ANK3: variants seen among roughly 807,000 people sequenced by gnomAD.
ANK3 encodes the protein ankyrin-3.
ANK3 carries 57 observed loss-of-function variants against 370.9 expected under a neutral mutation model. That is an observed-to-expected ratio of 0.15 (90% CI 0.12 to 0.19). The LOEUF (loss-of-function observed/expected upper bound fraction) is 0.19, where lower values mean the gene tolerates loss of function less well. ANK3 is among the 10% of genes least tolerant of loss of function. The probability of loss-of-function intolerance (pLI) is 1.00; values close to 1 mark genes in which losing one functional copy is unlikely to be tolerated. For synonymous variants in ANK3, 1,929 were observed against 1,946.3 expected (o/e 0.99, Z 0.23); for missense variants, 4,439 against 5,302.1 (o/e 0.84, Z 5.06).
At chr10:60,731,959 T>A (rs1021455863) in intron 1 of ANK3, among the ~76,000 whole-genome samples, 1 of 152,188 alleles carries the variant, frequency 6.6e-6, no homozygotes, top group Non-Finnish European at 1.5e-5. Context: ...TGGTTGAAAC[T>A]TCAGAGTCTT....
At chr10:60,154,314 A>C (rs2095256771) in intron 23 of ANK3, among the ~76,000 whole-genome samples, 1 of 152,226 alleles carries the variant, frequency 6.6e-6, no homozygotes, top group South Asian at 2.1e-4. Flanking sequence ...AGATCTATTA[A>C]GCTAATAACA....
intron 16 of ANK3, among the ~76,000 whole-genome samples, chr10:60,194,336 CA>C (rs1301092004): frequency 1.2e-3 from 182 of 152,274 alleles, no homozygotes; most frequent in African/African-American, 4.2e-3. Flanking sequence ...GTTCTCCAAC[CA>C]TCACTATTAT....
At chr10:60,395,563 T>C (rs564973573) in intron 2 of ANK3, among the ~76,000 whole-genome samples, 1 of 93,618 alleles carries the variant, frequency 1.1e-5, no homozygotes, top group African/African-American at 4.3e-5. Flanking sequence ...TTTCTTTCTT[T>C]CTTTCTTTCT....
chr10:60,279,687 C>A (rs1428120481), intron 1 of ANK3, 48 bp from the exon 2 acceptor site: 3 of 1,420,304 alleles, frequency 2.1e-6, no homozygotes, highest in South Asian at 1.2e-5. Flanking sequence ...AGCTAATATG[C>A]ATGTTTATAA....
At chr10:60,543,249 T>G (rs983941450) in intron 2 of ANK3, among the ~76,000 whole-genome samples, 8 of 151,954 alleles carry the variant, frequency 5.3e-5, no homozygotes, top group Non-Finnish European at 8.8e-5. Flanking sequence ...TCTGTGGAAA[T>G]TTGGCAATAT....
intron 2 of ANK3, among the ~76,000 whole-genome samples, chr10:60,489,664 CA>C (rs1221460597): frequency 3.3e-5 from 5 of 152,064 alleles, no homozygotes; most frequent in African/African-American, 1.2e-4. Flanking sequence ...GTATATACAA[CA>C]AAAGGCTCTT....
intron 2 of ANK3, among the ~76,000 whole-genome samples, chr10:60,516,363 G>A (rs560789878): frequency 6.6e-6 from 1 of 152,072 alleles, no homozygotes; most frequent in Non-Finnish European, 1.5e-5. Flanking sequence ...GATCTGTTCT[G>A]GGAAATCTCA....
chr10:60,118,894 T>G (rs2093291993), intron 25 of ANK3, among the ~76,000 whole-genome samples: 1 of 152,230 alleles, frequency 6.6e-6, no homozygotes, highest in Non-Finnish European at 1.5e-5. Context: ...TGCAATCATG[T>G]AATATTTATC....
chr10:60,563,326 A>G lies in ANK3; in HGVS notation c.96+51860T>C, dbSNP rs751277972. Among the ~76,000 whole-genome samples, 36 of 152,304 alleles carry G rather than the reference A, an allele frequency of 2.4e-4. 1 individual carries two copies. The highest frequency in any genetic ancestry group is 4.6e-4 in the Non-Finnish European group (31 of 68,038). On this transcript the variant is annotated intron_variant, in intron 2 of 43. Coordinates refer to the ANK3 transcript ENST00000373827. ...CTTTATCTGGAATTTATTAAGGACA[A>G]AAACAAGCCCCTTTCCTCTCACCCC...
At chr10:60,655,027 A>G (rs892291147) in intron 1 of ANK3, among the ~76,000 whole-genome samples, 1 of 152,068 alleles carries the variant, frequency 6.6e-6, no homozygotes, top group Non-Finnish European at 1.5e-5. Flanking sequence ...AATTACTCAC[A>G]TGTTTGTGGT....
At chr10:60,470,786 A>C (rs999336176) in intron 2 of ANK3, among the ~76,000 whole-genome samples, 1 of 152,166 alleles carries the variant, frequency 6.6e-6, no homozygotes, top group Admixed American at 6.6e-5. Context: ...CTAATAAAGA[A>C]GCCAAAGAAT....
At chr10:60,354,774 C>A (rs954642587) in intron 1 of ANK3, among the ~76,000 whole-genome samples, 2 of 152,110 alleles carry the variant, frequency 1.3e-5, no homozygotes, top group African/African-American at 4.8e-5. Flanking sequence ...AGAAGAACTA[C>A]CCCCCTACAA....
intron 1 of ANK3, among the ~76,000 whole-genome samples, chr10:60,723,838 G>A (rs2079898914): frequency 6.6e-6 from 1 of 152,048 alleles, no homozygotes; most frequent in Non-Finnish European, 1.5e-5. Flanking sequence ...ATCTGATGAT[G>A]TGATGACTAA....
At chr10:60,311,753 C>T (rs1478623684) in intron 1 of ANK3, among the ~76,000 whole-genome samples, 1 of 152,152 alleles carries the variant, frequency 6.6e-6, no homozygotes, top group Non-Finnish European at 1.5e-5. Context: ...TGCTGTCTTC[C>T]TCCAGATCTT....
intron 1 of ANK3, among the ~76,000 whole-genome samples, chr10:60,344,019 T>A (rs2054857420): frequency 6.6e-6 from 1 of 152,232 alleles, no homozygotes; most frequent in Admixed American, 6.5e-5. Context: ...GCTTACTCCT[T>A]TTTGAACATG....
At chr10:60,299,201 C>T (rs2043173730) in intron 1 of ANK3, among the ~76,000 whole-genome samples, 1 of 152,122 alleles carries the variant, frequency 6.6e-6, no homozygotes, top group South Asian at 2.1e-4. Flanking sequence ...CATAATTGTA[C>T]ATATGCAATA....
At chr10:60,343,033 T>A (rs1034971511) in intron 1 of ANK3, among the ~76,000 whole-genome samples, 4 of 152,138 alleles carry the variant, frequency 2.6e-5, no homozygotes, top group Non-Finnish European at 5.9e-5. Context: ...TATGATACAG[T>A]GTAAGGCTGC....
At chr10:60,048,662 T>G (rs1345327361) in intron 42 of ANK3, among the ~76,000 whole-genome samples, 1 of 152,226 alleles carries the variant, frequency 6.6e-6, no homozygotes, top group Admixed American at 6.5e-5. Context: ...ACTATATTGC[T>G]TCTTACTTCT....
chr10:60,279,715 C>G, intron 1 of ANK3, 76 bp from the exon 2 acceptor site: 1 of 1,079,596 alleles, frequency 9.3e-7, no homozygotes, highest in East Asian at 2.4e-5. Flanking sequence ...AGCTTAAGGT[C>G]CAAACTAAAA....
Sources: allele counts gnomAD v4.1 joint callset (sites outside exome capture counted in the v4.1 genomes callset), GRCh38; gene constraint gnomAD v4.1.1; transcripts MANE v1.5; gene names NCBI Gene and HGNC (gene_info 2026-07-23, HGNC 2026-07-21).